The following RASGEF1C variants were observed in gnomAD, a reference collection of about 807,000 sequenced individuals.
RASGEF1C encodes RasGEF domain family member 1C.
A neutral mutation model predicts 58.1 loss-of-function variants in RASGEF1C; 27 were observed. The observed-to-expected ratio is 0.46, with a 90% CI of 0.34 to 0.64. The LOEUF (loss-of-function observed/expected upper bound fraction) is 0.64, where lower values mean the gene tolerates loss of function less well. Ranked by LOEUF, RASGEF1C falls within the 30% of genes least tolerant of loss-of-function variation. RASGEF1C has a pLI of 0.01. For synonymous variants in RASGEF1C, 243 were observed against 246.3 expected (o/e 0.99, Z 0.13); for missense variants, 502 against 605.1 (o/e 0.83, Z 1.79).
At chr5:180,192,732 A>G (rs540533261) in intron 1 of RASGEF1C, among the ~76,000 whole-genome samples, 4 of 137,054 alleles carry the variant, frequency 2.9e-5, no homozygotes, top group African/African-American at 1.0e-4. Flanking sequence ...ATATCTTCAT[A>G]GTGTTTTTTT....
At position 180,177,446 on chromosome 5, in the gene RASGEF1C, G is replaced by A. The variant is rs997822437; in HGVS notation, c.-7+31582C>T. On this transcript the variant is annotated intron_variant, in intron 1 of 13. Transcript: ENST00000361132. This position sits in a 1 kb window ranked among gnomAD's most constrained non-coding sequence, Gnocchi z 5.0. Reference sequence around the variant, plus strand: ...CAATCTGCCCGGCTGGGCCGCAGCAGTCCACGGGCAGGGCAGAGCCCCGGG... The same window carrying A: ...CAATCTGCCCGGCTGGGCCGCAGCAATCCACGGGCAGGGCAGAGCCCCGGG... Among the ~76,000 whole-genome samples the A allele has an allele frequency of 6.6e-6, 1 of 152,252 alleles. No individual in the cohort carries two copies. The highest frequency in any genetic ancestry group is 2.4e-5 in the African/African-American group (1 of 41,476).
chr5:180,150,603 G>A (rs1190694433), intron 1 of RASGEF1C, among the ~76,000 whole-genome samples: 1 of 152,056 alleles, frequency 6.6e-6, no homozygotes, highest in Non-Finnish European at 1.5e-5. Flanking sequence ...GCTGAGGTAG[G>A]CGGATCACCT....
intron 4 of RASGEF1C, among the ~76,000 whole-genome samples, chr5:180,131,096 G>A (rs1326592966): frequency 6.6e-6 from 1 of 152,084 alleles, no homozygotes; most frequent in Non-Finnish European, 1.5e-5. Flanking sequence ...TCTCTCTGCT[G>A]CACTGGCCTT....
In RASGEF1C at chr5:180,137,849, C is replaced by T. The variant is rs1190365480; in HGVS notation, c.177+27G>A. ...CGTGCGTGGTGGAGGAGAGCCCACT[C>T]TCCTGCCCGCTGGGTGGATCACCCA... On this transcript the variant is annotated intron_variant, in intron 2 of 13. Transcript: ENST00000361132. This position sits in a 1 kb window ranked among gnomAD's most constrained non-coding sequence, Gnocchi z 4.1. 6 of 1,607,496 alleles carry T rather than the reference C, an allele frequency of 3.7e-6. No individual in the cohort carries two copies. The highest frequency in any genetic ancestry group is 3.3e-5 in the South Asian group (3 of 90,282).
At chr5:180,193,495 G>T (rs1756206109) in intron 1 of RASGEF1C, among the ~76,000 whole-genome samples, 3 of 152,144 alleles carry the variant, frequency 2.0e-5, no homozygotes, top group African/African-American at 7.2e-5. Context: ...GTCAGGGAGG[G>T]ACATGCAAGG....
At chr5:180,153,765 C>G (rs1289525056) in intron 1 of RASGEF1C, among the ~76,000 whole-genome samples, 1 of 152,128 alleles carries the variant, frequency 6.6e-6, no homozygotes, top group East Asian at 1.9e-4. Flanking sequence ...GTTAAATTTT[C>G]TCCCTTTTCT....
chr5:180,208,881 C>G (rs1265603564), intron 1 of RASGEF1C, 147 bp downstream of exon 1: 2 of 150,076 alleles, frequency 1.3e-5, no homozygotes, highest in South Asian at 3.6e-4. Flanking sequence ...GGACCCCGCC[C>G]CTGCTGACCC....
chr5:180,124,840 T>TA (rs1407675459), intron 6 of RASGEF1C, among the ~76,000 whole-genome samples: 1 of 151,010 alleles, frequency 6.6e-6, no homozygotes, highest in African/African-American at 2.4e-5. Context: ...ACAACAGCAA[T>TA]AAAAAACTAG....
At chr5:180,157,978 A>G (rs549967657) in intron 1 of RASGEF1C, among the ~76,000 whole-genome samples, 1 of 152,316 alleles carries the variant, frequency 6.6e-6, no homozygotes, top group African/African-American at 2.4e-5. Flanking sequence ...TGATGTAGCA[A>G]TGTAGGTGTA....
At chr5:180,174,369 G>C (rs1278559619) in intron 1 of RASGEF1C, among the ~76,000 whole-genome samples, 1 of 151,960 alleles carries the variant, frequency 6.6e-6, no homozygotes, top group African/African-American at 2.4e-5. Context: ...AGCAGGCAGA[G>C]AAAAGGCCCT....
rs560951176 is a variant in RASGEF1C, at chr5:180,119,528, G to A, written c.805-80C>T. ...CAGGCCCGCTCCCCTCACCTGGCCCGCTTCACCTTCTCTAAACCCATTGCA... is the reference window on the plus strand; with the variant it reads ...CAGGCCCGCTCCCCTCACCTGGCCCACTTCACCTTCTCTAAACCCATTGCA... On this transcript the variant is annotated intron_variant, in intron 7 of 13. Transcript: ENST00000361132. 217 of 1,065,402 alleles carry A rather than the reference G, an allele frequency of 2.0e-4. 2 individuals are homozygous for A. In the African/African-American group the frequency reaches 2.1e-3, roughly 10 times the overall value. The allele number at this position is 1,065,402 out of a possible 1,614,324, so 66.0% of individuals were successfully genotyped here. A position where few individuals can be genotyped will look rare whatever the true frequency, so the allele number is the denominator to read the frequency against.
intron 12 of RASGEF1C, among the ~76,000 whole-genome samples, chr5:180,109,457 CA>C (rs918440209): frequency 6.7e-6 from 1 of 148,394 alleles, no homozygotes; most frequent in African/African-American, 2.5e-5. Context: ...GACTCCGTCT[CA>C]AAAAAAAATA....
chr5:180,205,023 T>C, intron 1 of RASGEF1C, among the ~76,000 whole-genome samples: 1 of 152,100 alleles, frequency 6.6e-6, no homozygotes, highest in Non-Finnish European at 1.5e-5. Flanking sequence ...ACCCCGTCTC[T>C]ACTAAAAATA....
At chr5:180,126,298 T>A (rs1003031984) in intron 6 of RASGEF1C, among the ~76,000 whole-genome samples, 3 of 151,910 alleles carry the variant, frequency 2.0e-5, no homozygotes, top group Non-Finnish European at 1.5e-5. Flanking sequence ...TCCCAGCTAT[T>A]GGGGAGGCTG....
At chr5:180,192,758 T>A (rs1756188162) in intron 1 of RASGEF1C, among the ~76,000 whole-genome samples, 1 of 151,904 alleles carries the variant, frequency 6.6e-6, no homozygotes, top group South Asian at 2.1e-4. Flanking sequence ...TTGTTTTTTT[T>A]TTTTGAGATG....
intron 1 of RASGEF1C, among the ~76,000 whole-genome samples, chr5:180,203,862 GCAC>G (rs1329686030): frequency 2.0e-5 from 3 of 152,090 alleles, no homozygotes; most frequent in African/African-American, 7.2e-5. Flanking sequence ...GCATGGTGGT[GCAC>G]GCCTGTAATC....
chr5:180,111,816 G>C (rs141444439), intron 11 of RASGEF1C, among the ~76,000 whole-genome samples: 17 of 152,266 alleles, frequency 1.1e-4, no homozygotes, highest in Non-Finnish European at 2.1e-4. Flanking sequence ...TCTATGTATG[G>C]CAAGTGATAC....
chr5:180,190,501 A>T lies in RASGEF1C; in HGVS notation c.-7+18527T>A, dbSNP rs1213606788. ...TGAGACTCCGTCTCAAAAAAAAAAA[A>T]AAAAAAATAATAATAATAATAATAA... On this transcript the variant is annotated intron_variant, in intron 1 of 13. Transcript: ENST00000361132. 2.7e-3 allele frequency among the ~76,000 whole-genome samples: 251 copies of T among 93,458 alleles called. 4 individuals are homozygous for T. Among genetic ancestry groups the T allele is most frequent in the African/African-American group, 6.8e-3 (212 of 31,014 alleles). 61.3% of individuals were successfully genotyped at this position (93,458 alleles called of 152,430 possible). A position where few individuals can be genotyped will look rare whatever the true frequency, so the allele number is the denominator to read the frequency against.
rs1187829324 is a variant in RASGEF1C, at chr5:180,163,254, C to CTTTTTTTTTTTTTTTTTT, written c.-6-25197_-6-25196insAAAAAAAAAAAAAAAAAA. 4.4e-3 allele frequency among the ~76,000 whole-genome samples: 315 copies of CTTTTTTTTTTTTTTTTTT among 71,026 alleles called. 73 individuals are homozygous for CTTTTTTTTTTTTTTTTTT. The highest frequency in any genetic ancestry group is 0.011 in the African/African-American group (169 of 15,962). 46.6% of individuals were successfully genotyped at this position (71,026 alleles called of 152,430 possible). On this transcript the variant is annotated intron_variant, in intron 1 of 13. Coordinates refer to ENST00000361132, the MANE Select transcript of RASGEF1C (RefSeq NM_175062.4). ...CACTTTTTTTTTTTTTTTTTTTTTCCAGCCTATTGCACTGGCTAGGACTTC... is the reference window on the plus strand; with the variant it reads ...CACTTTTTTTTTTTTTTTTTTTTTCCTTTTTTTTTTTTTTTTTTAGCCTATTGCACTGGCTAGGACTTC...
Sources: allele counts gnomAD v4.1 joint callset (sites outside exome capture counted in the v4.1 genomes callset), GRCh38; gene constraint gnomAD v4.1.1; non-coding constraint Gnocchi (gnomAD v3.1); transcripts MANE v1.5; gene names NCBI Gene and HGNC (gene_info 2026-07-23, HGNC 2026-07-21).